The following CDH12 variants were observed in gnomAD, a reference collection of about 807,000 sequenced individuals.
CDH12 encodes cadherin-12.
Under a neutral mutation model 74.1 loss-of-function variants are expected in CDH12, and 41 were observed. That is an observed-to-expected ratio of 0.55 (90% confidence interval 0.43 to 0.72). The LOEUF is 0.72. CDH12 is among the 30% of genes least tolerant of loss of function. The pLI, the probability that CDH12 is intolerant of heterozygous loss-of-function variation, is 0.00. For missense variants in CDH12, 945 were observed against 977.2 expected (o/e 0.97, Z 0.44); for synonymous variants, 399 against 355.0 (o/e 1.12, Z -1.39).
intron 1 of CDH12, among the ~76,000 whole-genome samples, chr5:22,520,590 T>C (rs974534273): frequency 6.6e-6 from 1 of 152,104 alleles, no homozygotes; most frequent in Non-Finnish European, 1.5e-5. Flanking sequence ...AAATAGGTAA[T>C]AATATTTATT....
At chr5:22,280,983 T>C (rs1245956327) in intron 3 of CDH12, among the ~76,000 whole-genome samples, 1 of 152,142 alleles carries the variant, frequency 6.6e-6, no homozygotes, top group East Asian at 1.9e-4. Flanking sequence ...AATAAAATAC[T>C]GGCAAACCGA....
chr5:21,927,082 T>C (rs1754617385), intron 6 of CDH12, among the ~76,000 whole-genome samples: 1 of 152,212 alleles, frequency 6.6e-6, no homozygotes, highest in South Asian at 2.1e-4. Context: ...TGGCTGTGTA[T>C]TTCCGTCAGC....
intron 1 of CDH12, among the ~76,000 whole-genome samples, chr5:22,514,570 G>C (rs960246521): frequency 6.6e-6 from 1 of 151,998 alleles, no homozygotes; most frequent in South Asian, 2.1e-4. Context: ...GTTGCTTCTA[G>C]AGAATTTTGT....
At chr5:22,380,967 A>G (rs1741734765) in intron 3 of CDH12, among the ~76,000 whole-genome samples, 1 of 152,092 alleles carries the variant, frequency 6.6e-6, no homozygotes, top group Non-Finnish European at 1.5e-5. Context: ...GAGATTCAAG[A>G]AATATTATAC....
intron 1 of CDH12, among the ~76,000 whole-genome samples, chr5:22,825,736 T>G (rs1736286500): frequency 6.6e-6 from 1 of 152,156 alleles, no homozygotes; most frequent in African/African-American, 2.4e-5. Flanking sequence ...GTGAAGCCAC[T>G]GGAGAGTTTT....
intron 6 of CDH12, chr5:21,882,556 C>A (rs572357025): frequency 7.7e-7 from 1 of 1,304,782 alleles, no homozygotes; most frequent in African/African-American, 1.5e-5. Flanking sequence ...CCTGTCTCGC[C>A]GCGCGCATGC....
At chr5:22,254,732 T>A (rs10069780) in intron 3 of CDH12, among the ~76,000 whole-genome samples, 2,480 of 151,958 alleles carry the variant, frequency 0.016, 28 homozygotes, top group African/African-American at 0.018. Context: ...GTGATTTTTT[T>A]AATTTTAATT....
Position 21,922,611 on chromosome 5 carries a change from A to G in CDH12, c.526+52480T>C, listed in dbSNP as rs140875571. ...AACATAATTCAAATTGAATAATATC[A>G]TCTACAAGGCTCATACAGACATACA... On this transcript the variant is annotated intron_variant, in intron 6 of 14. Transcript: ENST00000382254. Among the ~76,000 whole-genome samples, 904 of 152,260 alleles carry G rather than the reference A, an allele frequency of 5.9e-3. 7 individuals carry two copies. The highest frequency in any genetic ancestry group is 0.018 in the African/African-American group (759 of 41,568).
intron 1 of CDH12, among the ~76,000 whole-genome samples, chr5:22,808,951 T>C (rs1211463147): frequency 6.6e-6 from 1 of 151,900 alleles, no homozygotes; most frequent in Admixed American, 6.6e-5. Flanking sequence ...GAAAATATTC[T>C]ACCACCAGGT....
At chr5:21,814,776 AT>A (rs1167291710) in intron 9 of CDH12, among the ~76,000 whole-genome samples, 2 of 150,946 alleles carry the variant, frequency 1.3e-5, no homozygotes, top group East Asian at 3.9e-4. Context: ...AATTTAAAAT[AT>A]TTTTTATATT....
At chr5:22,170,113 C>T (rs1429586663) in intron 4 of CDH12, among the ~76,000 whole-genome samples, 1 of 151,760 alleles carries the variant, frequency 6.6e-6, no homozygotes, top group African/African-American at 2.4e-5. Flanking sequence ...GAATAACACA[C>T]CTACAAAGGC....
At chr5:22,821,489 T>C (rs576252361) in intron 1 of CDH12, among the ~76,000 whole-genome samples, 29 of 152,268 alleles carry the variant, frequency 1.9e-4, no homozygotes, top group African/African-American at 5.8e-4. Context: ...GAAAACCCCA[T>C]TGTCTCAGCC....
intron 1 of CDH12, among the ~76,000 whole-genome samples, chr5:22,553,332 T>G (rs1032724750): frequency 6.6e-6 from 1 of 152,158 alleles, no homozygotes; most frequent in Admixed American, 6.5e-5. Context: ...AAAATTAATT[T>G]TCTTTCTTTT....
At chr5:22,159,968 G>T (rs1291190940) in intron 4 of CDH12, among the ~76,000 whole-genome samples, 2 of 152,096 alleles carry the variant, frequency 1.3e-5, no homozygotes, top group Non-Finnish European at 2.9e-5. Flanking sequence ...ATTCTTTAAG[G>T]TAATGTTAGA....
intron 5 of CDH12, among the ~76,000 whole-genome samples, chr5:22,030,035 T>C (rs566447270): frequency 1.3e-5 from 2 of 151,016 alleles, no homozygotes; most frequent in South Asian, 4.2e-4. Flanking sequence ...ACACCGCATG[T>C]TCTCACTTAT....
At chr5:21,942,385 CACACATAT>C (rs1380699448) in intron 6 of CDH12, among the ~76,000 whole-genome samples, 12 of 144,352 alleles carry the variant, frequency 8.3e-5, no homozygotes, top group African/African-American at 3.0e-4. Context: ...CACACACACA[CACACATAT>C]ATATGTGTGG....
At chr5:22,645,628 G>T (rs979310920) in intron 1 of CDH12, among the ~76,000 whole-genome samples, 19 of 152,014 alleles carry the variant, frequency 1.2e-4, no homozygotes, top group Non-Finnish European at 1.9e-4. Flanking sequence ...GAAAAAATTC[G>T]AATTTAGATC....
chr5:22,518,821 G>A (rs1736918811), intron 1 of CDH12, among the ~76,000 whole-genome samples: 1 of 152,162 alleles, frequency 6.6e-6, no homozygotes, highest in African/African-American at 2.4e-5. Flanking sequence ...GCTGTGGGTA[G>A]TGTGTATCAC....
chr5:22,822,010 T>C (rs1160365612), intron 1 of CDH12, among the ~76,000 whole-genome samples: 6 of 151,870 alleles, frequency 4.0e-5, no homozygotes, highest in African/African-American at 1.5e-4. Context: ...ACCAAAACAG[T>C]GTGGTACTGG....
Sources: gnomAD v4.1 joint callset for allele counts (sites outside exome capture counted in the v4.1 genomes callset) on GRCh38, gnomAD v4.1.1 for gene constraint, MANE v1.5 for transcripts, NCBI Gene and HGNC (gene_info 2026-07-23, HGNC 2026-07-21) for gene names.